CCSER2: variants seen among roughly 807,000 people sequenced by gnomAD.
The protein encoded by CCSER2 is serine-rich coiled-coil domain-containing protein 2.
In CCSER2, 46 loss-of-function variants were observed where a neutral mutation model predicts 92.3. The observed-to-expected ratio is 0.50, with a 90% CI of 0.39 to 0.64. CCSER2 has a LOEUF of 0.64. Ranked by LOEUF, CCSER2 falls within the 30% of genes least tolerant of loss-of-function variation. The pLI is 0.00. For missense variants in CCSER2, 1,244 were observed against 1,238.9 expected (o/e 1.00, Z -0.06); for synonymous variants, 433 against 431.4 (o/e 1.00, Z -0.04).
chr10:84,437,638 TTTA>T (rs1844254817), intron 5 of CCSER2, among the ~76,000 whole-genome samples: 1 of 152,186 alleles, frequency 6.6e-6, no homozygotes. Context: ...ACACATTACT[TTTA>T]TTTTTTTCCT....
At chr10:84,490,357 C>G (rs144852740) in intron 9 of CCSER2, among the ~76,000 whole-genome samples, 2,998 of 152,274 alleles carry the variant, frequency 0.02, 48 homozygotes, top group South Asian at 0.07. Context: ...TTCCATTCTC[C>G]CCGTCACTTT....
intron 3 of CCSER2, among the ~76,000 whole-genome samples, chr10:84,399,029 AT>A (rs1001990091): frequency 1.6e-4 from 24 of 152,276 alleles, no homozygotes; most frequent in Non-Finnish European, 2.5e-4. Context: ...TTCCAGAAAG[AT>A]TTTTTAAATT....
At chr10:84,490,696 T>C (rs1423507988) in intron 9 of CCSER2, among the ~76,000 whole-genome samples, 6 of 152,228 alleles carry the variant, frequency 3.9e-5, no homozygotes, top group East Asian at 1.9e-4. Flanking sequence ...CTTCCTCCTT[T>C]AGTTTGAAGA....
At chr10:84,511,707 A>C (rs1221239465) in intron 9 of CCSER2, among the ~76,000 whole-genome samples, 6 of 152,170 alleles carry the variant, frequency 3.9e-5, no homozygotes, top group Non-Finnish European at 7.4e-5. Flanking sequence ...TGGTTTGTTT[A>C]ATATGGTCCT....
intron 5 of CCSER2, among the ~76,000 whole-genome samples, chr10:84,433,452 T>C (rs527697451): frequency 1.2e-4 from 17 of 142,290 alleles, no homozygotes; most frequent in East Asian, 4.2e-4. Flanking sequence ...CACACACACA[T>C]ACACAAGTAT....
chr10:84,354,553 G>T (rs1404519438), intron 1 of CCSER2, among the ~76,000 whole-genome samples: 1 of 63,960 alleles, frequency 1.6e-5, no homozygotes, highest in African/African-American at 6.9e-5. Context: ...CCCGCCCCCC[G>T]CCCCGCTTCC....
chr10:84,433,324 G>A lies in CCSER2; in HGVS notation c.1869-5188G>A, dbSNP rs572473153. Among the ~76,000 whole-genome samples, 3 of 152,172 alleles carry A rather than the reference G, an allele frequency of 2.0e-5. No homozygotes were observed. The South Asian group carries it at 6.2e-4, about 32-fold the overall frequency. On this transcript the variant is annotated intron_variant, in intron 5 of 9. Coordinates refer to ENST00000372088, the MANE Select transcript of CCSER2 (RefSeq NM_001284240.2). The stretch of plus-strand genomic sequence containing the variant: ...TAAAAATACGTACATTTAACTTTTA[G>A]TATAAAGTTTTTATTAATGGTGATG...
At chr10:84,480,823 G>C (rs1847414199) in intron 9 of CCSER2, among the ~76,000 whole-genome samples, 1 of 152,130 alleles carries the variant, frequency 6.6e-6, no homozygotes, top group Non-Finnish European at 1.5e-5. Context: ...TATTTAGATG[G>C]GATTATGTTG....
chr10:84,442,008 G>A (rs1399548739), intron 6 of CCSER2, among the ~76,000 whole-genome samples: 4 of 151,696 alleles, frequency 2.6e-5, no homozygotes, highest in African/African-American at 4.8e-5. Context: ...TGCCCACCTC[G>A]GCCTCCCAAA....
intron 9 of CCSER2, among the ~76,000 whole-genome samples, chr10:84,481,386 TATTTTATATATATTG>T (rs1201722664): frequency 1.3e-5 from 2 of 151,630 alleles, no homozygotes; most frequent in African/African-American, 2.4e-5. Flanking sequence ...ATTTTTTATA[TATTTTATATATATTG>T]ATTTTATATA....
At chr10:84,329,551 G>C (rs1239668003) in intron 1 of CCSER2, among the ~76,000 whole-genome samples, 1 of 152,216 alleles carries the variant, frequency 6.6e-6, no homozygotes, top group Non-Finnish European at 1.5e-5. Flanking sequence ...CTGTAAGAGA[G>C]AAATTGAGCT....
Position 84,470,367 on chromosome 10 carries a change from T to C in CCSER2, c.2149-5T>C. The C allele has an allele frequency of 1.5e-6, 2 of 1,293,114 alleles. No individual in the cohort carries two copies. The highest frequency in any genetic ancestry group is 3.0e-5 in the Admixed American group (1 of 32,958). The allele number at this position is 1,293,114 out of a possible 1,614,324, so 80.1% of individuals were successfully genotyped here. A position where few individuals can be genotyped will look rare whatever the true frequency, so the allele number is the denominator to read the frequency against. ...ACCTCATCTAAAGATTTTTTAATAT[T>C]TCAGAATGAAGATTTATTAAATGAA... On this transcript the variant is annotated splice_region_variant and splice_polypyrimidine_tract_variant and intron_variant, in intron 7 of 9. Coordinates refer to ENST00000372088, the MANE Select transcript of CCSER2 (RefSeq NM_001284240.2).
chr10:84,344,657 C>T (rs990051830), intron 1 of CCSER2, among the ~76,000 whole-genome samples: 3 of 152,152 alleles, frequency 2.0e-5, no homozygotes, highest in East Asian at 1.9e-4. Flanking sequence ...AGAATTCCCA[C>T]GGTGGACAAG....
intron 8 of CCSER2, 111 bp downstream of exon 8, chr10:84,470,569 G>A (rs968580743): frequency 2.3e-6 from 2 of 884,154 alleles, no homozygotes; most frequent in Non-Finnish European, 3.1e-6. Flanking sequence ...TCTCAAAGTT[G>A]CACTTTTATA....
At chr10:84,363,286 G>A (rs765873337) in intron 1 of CCSER2, among the ~76,000 whole-genome samples, 8 of 151,760 alleles carry the variant, frequency 5.3e-5, no homozygotes, top group East Asian at 3.9e-4. Flanking sequence ...GAGCCACCAC[G>A]CCTGGCCACT....
At chr10:84,419,412 A>G (rs1177867798) in intron 4 of CCSER2, among the ~76,000 whole-genome samples, 2 of 152,196 alleles carry the variant, frequency 1.3e-5, no homozygotes, top group South Asian at 2.1e-4. Flanking sequence ...TAACCTGACA[A>G]CTATCTTCAT....
chr10:84,490,714 T>C (rs1848108003), intron 9 of CCSER2, among the ~76,000 whole-genome samples: 1 of 152,234 alleles, frequency 6.6e-6, no homozygotes, highest in East Asian at 1.9e-4. Flanking sequence ...AGAAGTTTGA[T>C]CTTCTGAAGC....
intron 9 of CCSER2, among the ~76,000 whole-genome samples, chr10:84,502,964 C>G (rs535669300): frequency 5.3e-5 from 8 of 152,242 alleles, no homozygotes; most frequent in African/African-American, 1.9e-4. Flanking sequence ...GTGGCTCACG[C>G]CTGTAATCCC....
intron 1 of CCSER2, among the ~76,000 whole-genome samples, chr10:84,362,941 A>G (rs925075877): frequency 5.3e-5 from 8 of 151,694 alleles, no homozygotes; most frequent in Non-Finnish European, 7.4e-5. Context: ...GGTTCAAGCA[A>G]TGCTTTAGCC....
Sources: allele counts gnomAD v4.1 joint callset (sites outside exome capture counted in the v4.1 genomes callset), GRCh38; gene constraint gnomAD v4.1.1; transcripts MANE v1.5; gene names NCBI Gene and HGNC (gene_info 2026-07-23, HGNC 2026-07-21).